OCA2: variants seen among roughly 807,000 people sequenced by gnomAD.
OCA2 encodes the protein P protein.
Under a neutral mutation model 100.2 loss-of-function variants are expected in OCA2, and 77 were observed. The observed-to-expected ratio is 0.77, with a 90% CI of 0.64 to 0.93. The LOEUF is 0.93. OCA2 is among the 40% of genes least tolerant of loss of function. The pLI, the probability that OCA2 is intolerant of heterozygous loss-of-function variation, is 0.00. For missense variants in OCA2, 1,062 were observed against 1,089.1 expected, an observed-to-expected ratio of 0.98 and a Z score of 0.35; for synonymous variants, 432 against 439.2, an observed-to-expected ratio of 0.98 and a Z score of 0.21.
chr15:27,858,444 T>C (rs889304166), intron 21 of OCA2, among the ~76,000 whole-genome samples: 23 of 150,734 alleles, frequency 1.5e-4, no homozygotes, highest in African/African-American at 5.1e-4. Context: ...GGATACATCT[T>C]ACACATTTTG....
chr15:27,746,520 C>T, the OCA2 span, among the ~76,000 whole-genome samples: 1 of 151,990 alleles, frequency 6.6e-6, no homozygotes, highest in Non-Finnish European at 1.5e-5. Flanking sequence ...CCTGAAACTA[C>T]TTAACTAGAA....
chr15:27,936,842 T>C (rs1014821717), intron 18 of OCA2, among the ~76,000 whole-genome samples: 9 of 152,230 alleles, frequency 5.9e-5, no homozygotes, highest in African/African-American at 2.2e-4. Flanking sequence ...AGCTTCTGCG[T>C]GGTTTCCAAT....
chr15:27,878,874 C>T (rs992240950), intron 19 of OCA2, among the ~76,000 whole-genome samples: 6 of 151,804 alleles, frequency 4.0e-5, no homozygotes, highest in East Asian at 1.9e-4. Flanking sequence ...TTTTAAGTCC[C>T]GGGACACATG....
rs1468697797 is a variant in OCA2 at position 27,913,928 on chromosome 15, CAAGA to C, written c.2079+12195_2079+12198del. 7.7e-4 allele frequency among the ~76,000 whole-genome samples: 49 copies of C among 63,998 alleles called. 1 individual carries two copies. Among genetic ancestry groups the C allele is most frequent in the South Asian group, 1.2e-3 (2 of 1,694 alleles). The allele number at this position is 63,998 out of a possible 152,430, so 42.0% of individuals were successfully genotyped here. On this transcript the variant is annotated intron_variant, in intron 19 of 23. Coordinates refer to ENST00000354638, the MANE Select transcript of OCA2 (RefSeq NM_000275.3). ...GCAAGCAAGCAAGCAAGCAAGCAAG[CAAGA>C]AAGAAAGAAAAAAATTTCAGGCCAA...
At chr15:27,722,814 T>TC in the OCA2 span, among the ~76,000 whole-genome samples, 1,004 of 134,818 alleles carry the variant, frequency 7.4e-3, 12 homozygotes, top group African/African-American at 0.027. Flanking sequence ...CTCTCTCTCT[T>TC]TCTCTCTCTC....
chr15:28,045,304 A>G (rs1466111519), intron 2 of OCA2, among the ~76,000 whole-genome samples: 1 of 152,264 alleles, frequency 6.6e-6, no homozygotes, highest in Non-Finnish European at 1.5e-5. Flanking sequence ...AGGAATATAT[A>G]CATGTATGTA....
rs115585154 is a variant in OCA2 at position 28,067,917 on chromosome 15, C to T, written c.227+13731G>A. Among the ~76,000 whole-genome samples the T allele has an allele frequency of 4.6e-3, 707 of 152,232 alleles. 7 individuals are homozygous for T. The highest frequency in any genetic ancestry group is 0.016 in the African/African-American group (680 of 41,538). ...TTTTTTGACTTGGTGATCTATCTAACACTGTCAATAGGGTGTTGAAATCTC... is the reference window on the plus strand; with the variant it reads ...TTTTTTGACTTGGTGATCTATCTAATACTGTCAATAGGGTGTTGAAATCTC... On this transcript the variant is annotated intron_variant, in intron 2 of 23. Transcript: ENST00000354638.
At chr15:27,857,100 G>T (rs991803389) in intron 21 of OCA2, among the ~76,000 whole-genome samples, 1 of 152,144 alleles carries the variant, frequency 6.6e-6, no homozygotes, top group East Asian at 1.9e-4. Context: ...TCTTAAAGAG[G>T]TTCAATAACT....
chr15:28,015,395 GGGCCGA>G (rs1295642836), intron 8 of OCA2, among the ~76,000 whole-genome samples: 1 of 152,206 alleles, frequency 6.6e-6, no homozygotes, highest in Non-Finnish European at 1.5e-5. Context: ...TATGTTTTAT[GGGCCGA>G]ATTATGTCCC....
At chr15:28,057,757 AGG>A (rs2043747110) in intron 2 of OCA2, among the ~76,000 whole-genome samples, 1 of 152,236 alleles carries the variant, frequency 6.6e-6, no homozygotes, top group South Asian at 2.1e-4. Flanking sequence ...AGAGTAAGAC[AGG>A]TAAGCAGCCG....
At chr15:27,945,002 T>C (rs2039781415) in intron 18 of OCA2, among the ~76,000 whole-genome samples, 1 of 152,148 alleles carries the variant, frequency 6.6e-6, no homozygotes, top group African/African-American at 2.4e-5. Flanking sequence ...AGAGCAGCGA[T>C]ATGGTTTTTA....
At chr15:27,793,674 A>G (rs978211881) in intron 23 of OCA2, among the ~76,000 whole-genome samples, 12 of 152,194 alleles carry the variant, frequency 7.9e-5, no homozygotes, top group South Asian at 2.1e-4. Context: ...GTTTCACTCA[A>G]CCTCAGGACC....
rs187588937 is a variant in OCA2 at position 27,838,488 on chromosome 15, A to G, written c.2432+6471T>C. ...AGAGATCCGTGAAATCGTAAAATAT[A>G]ACAAATACTCAAAACTCTGATCCAA... On this transcript the variant is annotated intron_variant, in intron 23 of 23. Coordinates refer to ENST00000354638, the MANE Select transcript of OCA2 (RefSeq NM_000275.3). Among the ~76,000 whole-genome samples, 664 of 152,322 alleles carry G rather than the reference A, an allele frequency of 4.4e-3. 2 individuals are homozygous for G. The highest frequency in any genetic ancestry group is 0.01 in the Middle Eastern group (3 of 294).
At chr15:27,820,352 GC>G (rs1595464184) in intron 23 of OCA2, among the ~76,000 whole-genome samples, 1 of 152,164 alleles carries the variant, frequency 6.6e-6, no homozygotes, top group Admixed American at 6.5e-5. Flanking sequence ...CACTACTTCA[GC>G]CCATGATGAG....
chr15:27,738,202 T>C, the OCA2 span, among the ~76,000 whole-genome samples: 75 of 152,162 alleles, frequency 4.9e-4, no homozygotes, highest in African/African-American at 1.8e-3. Flanking sequence ...GCAAAAACTA[T>C]GCACAAGAAT....
At position 28,027,797 on chromosome 15, in the gene OCA2, A is replaced by G; in HGVS notation, c.515+74T>C. 5 of 1,476,556 alleles carry G rather than the reference A, an allele frequency of 3.4e-6. No homozygotes were observed. In the South Asian group the frequency reaches 5.7e-5, roughly 17 times the overall value. 91.5% of individuals were successfully genotyped at this position (1,476,556 alleles called of 1,614,324 possible). On this transcript the variant is annotated intron_variant, in intron 4 of 23. Transcript: ENST00000354638. Reference sequence around the variant, plus strand: ...CCTCTTCTTCACGCTGCTGGTTTGAAAGATGGAGGGGCCATGTAGGACGCG... The same window carrying G: ...CCTCTTCTTCACGCTGCTGGTTTGAGAGATGGAGGGGCCATGTAGGACGCG...
At chr15:28,020,349 A>G (rs1017042222) in intron 6 of OCA2, among the ~76,000 whole-genome samples, 4 of 152,096 alleles carry the variant, frequency 2.6e-5, no homozygotes, top group Admixed American at 2.0e-4. Context: ...CTCGCCTGGG[A>G]TCTCTACTGA....
intron 9 of OCA2, among the ~76,000 whole-genome samples, chr15:28,003,879 G>A (rs1018227656): frequency 6.6e-6 from 1 of 152,212 alleles, no homozygotes; most frequent in Non-Finnish European, 1.5e-5. Context: ...TCCCTCCACC[G>A]CGTCATGCTC....
At chr15:28,096,429 G>C (rs7168800) in intron 1 of OCA2, among the ~76,000 whole-genome samples, 1 of 152,196 alleles carries the variant, frequency 6.6e-6, no homozygotes, top group Non-Finnish European at 1.5e-5. Context: ...TGCTGTGACC[G>C]TTGCATTTGA....
Sources: gnomAD v4.1 joint callset for allele counts (sites outside exome capture counted in the v4.1 genomes callset) on GRCh38, gnomAD v4.1.1 for gene constraint, MANE v1.5 for transcripts, NCBI Gene and HGNC (gene_info 2026-07-23, HGNC 2026-07-21) for gene names.